ARHGEF10: variants seen among roughly 807,000 people sequenced by gnomAD.
The protein encoded by ARHGEF10 is Rho guanine nucleotide exchange factor (GEF) 10.
Under a neutral mutation model 147.4 loss-of-function variants are expected in ARHGEF10, and 140 were observed. The observed-to-expected ratio is 0.95, with a 90% CI of 0.83 to 1.09. ARHGEF10 has a LOEUF of 1.09. ARHGEF10 is among the 50% of genes least tolerant of loss of function. The pLI, the probability that ARHGEF10 is intolerant of heterozygous loss-of-function variation, is 0.00. For synonymous variants in ARHGEF10, 902 were observed against 695.8 expected (o/e 1.30, Z -4.67); for missense variants, 2,222 against 1,752.7 (o/e 1.27, Z -4.78).
chr8:1,909,139 A>C (rs1811152804), intron 17 of ARHGEF10, among the ~76,000 whole-genome samples, 156 bp from the exon 18 acceptor site: 2 of 152,220 alleles, frequency 1.3e-5, no homozygotes, highest in South Asian at 4.1e-4. Flanking sequence ...GTGGGGACTC[A>C]GTAAGAAAGT....
In ARHGEF10 at chr8:1,842,962, C is replaced by T. The variant is rs1254358480; in HGVS notation, c.-47-391C>T. ...GGAGTGGAGAGGGCCGTCAGCGCCG[C>T]ACCTGATCCCAGCTAAGTCTGGAAG... On this transcript the variant is annotated intron_variant, in intron 1 of 28. Transcript: ENST00000349830. 2.0e-5 allele frequency among the ~76,000 whole-genome samples: 3 copies of T among 152,216 alleles called. No individual in the cohort carries two copies. In the East Asian group the frequency reaches 5.8e-4, roughly 29 times the overall value.
chr8:1,877,377 G>T (rs1351315303), intron 8 of ARHGEF10, among the ~76,000 whole-genome samples: 1 of 152,022 alleles, frequency 6.6e-6, no homozygotes, highest in African/African-American at 2.4e-5. Context: ...ACAGGTGCCT[G>T]CCATGACTCC....
At chr8:1,895,222 A>G (rs1453407994) in intron 13 of ARHGEF10, among the ~76,000 whole-genome samples, 3 of 152,196 alleles carry the variant, frequency 2.0e-5, no homozygotes, top group Non-Finnish European at 2.9e-5. Context: ...GAGTCATTTT[A>G]TCCTCACTCC....
chr8:1,913,052 A>C (rs1811494717), intron 18 of ARHGEF10, among the ~76,000 whole-genome samples: 1 of 151,664 alleles, frequency 6.6e-6, no homozygotes, highest in Non-Finnish European at 1.5e-5. Context: ...TTCATGCAGG[A>C]TCTTTATAAC....
chr8:1,825,540 G>A (rs1474696706), intron 1 of ARHGEF10, among the ~76,000 whole-genome samples: 1 of 148,992 alleles, frequency 6.7e-6, no homozygotes, highest in Non-Finnish European at 1.5e-5. Context: ...ACAGCCCGCT[G>A]GTGCCCAAGA....
rs540606873 is a variant in ARHGEF10 at position 1,824,512 on chromosome 8, C to G, written c.-48+399C>G. On this transcript the variant is annotated intron_variant, in intron 1 of 28. Coordinates refer to ENST00000349830, the MANE Select transcript of ARHGEF10 (RefSeq NM_014629.4). ...GTCCGCCTCAGGATGCAGAGAAGGA[C>G]CGGTGTAAGGAAAGCCGGCGTCTTT... 2.2e-3 allele frequency among the ~76,000 whole-genome samples: 333 copies of G among 151,904 alleles called. 1 individual carries two copies. Among genetic ancestry groups the G allele is most frequent in the African/African-American group, 7.8e-3 (322 of 41,362 alleles).
intron 2 of ARHGEF10, among the ~76,000 whole-genome samples, chr8:1,852,656 C>T (rs1212733731): frequency 6.6e-6 from 1 of 152,226 alleles, no homozygotes; most frequent in African/African-American, 2.4e-5. Flanking sequence ...TGGGCATGGT[C>T]ATATTATGTC....
chr8:1,876,975 A>G (rs1807763359), intron 8 of ARHGEF10, among the ~76,000 whole-genome samples: 1 of 152,256 alleles, frequency 6.6e-6, no homozygotes, highest in African/African-American at 2.4e-5. Context: ...GTCTTAAATG[A>G]GCTCACCACC....
chr8:1,831,200 GGA>G (rs1271340136), intron 1 of ARHGEF10, among the ~76,000 whole-genome samples: 2 of 152,182 alleles, frequency 1.3e-5, no homozygotes, highest in East Asian at 3.9e-4. Flanking sequence ...GGACATCCAT[GGA>G]GGGACAGTGT....
rs1302828719 is a variant in ARHGEF10, at chr8:1,925,369, A to T, written c.2575A>T (p.Met859Leu). ...KEKHPLLVGH[M>L]PVMVAKQQEF... ...GAAGCATCCTCTCCTCGTCGGACAC[A>T]TGCCCGTGATGGTGGCCAAGCAGCA... is the stretch of plus-strand genomic sequence containing the variant. Residue 859 changes from methionine (M) to leucine (L), a missense_variant, in exon 22 of 29, where the codon ATG becomes TTG. Physicochemically the swap from Met to Leu is conservative, Grantham distance 15. Coordinates refer to ENST00000349830, the MANE Select transcript of ARHGEF10 (RefSeq NM_014629.4). The T allele has an allele frequency of 6.2e-7, 1 of 1,614,214 alleles. No homozygotes were observed. The highest frequency in any genetic ancestry group is 1.1e-5 in the South Asian group (1 of 91,084).
At chr8:1,849,989 C>T (rs1277632915) in intron 2 of ARHGEF10, among the ~76,000 whole-genome samples, 2 of 70,908 alleles carry the variant, frequency 2.8e-5, no homozygotes, top group Non-Finnish European at 3.4e-5. Flanking sequence ...TGCATGGACA[C>T]AGAGGGCAAA....
At position 1,898,480 on chromosome 8, in the gene ARHGEF10, G is replaced by C. The variant is rs1408170696; in HGVS notation, c.1605G>C (p.Met535Ile). 1.2e-6 allele frequency: 2 copies of C among 1,614,064 alleles called. No homozygotes were observed. The highest frequency in any genetic ancestry group is 2.7e-5 in the African/African-American group (2 of 74,940). ...SPDRTTLYSL[M>I]MKPIQRFPQF... The stretch of plus-strand genomic sequence containing the variant: ...ATCGAACCACGCTCTACAGCCTGAT[G>C]ATGAAGCCCATCCAGAGGTTCCCAC... The change falls in exon 15 of 29, where the codon ATG (methionine) becomes ATC (isoleucine). Residue 535 changes from methionine (M) to isoleucine (I), a missense_variant. Coordinates refer to ENST00000349830, the MANE Select transcript of ARHGEF10 (RefSeq NM_014629.4).
chr8:1,936,884 G>T (rs1479449180), intron 26 of ARHGEF10, among the ~76,000 whole-genome samples: 1 of 152,170 alleles, frequency 6.6e-6, no homozygotes, highest in Non-Finnish European at 1.5e-5. Flanking sequence ...TGGGATGCGG[G>T]CTAATGCCGT....
chr8:1,874,066 A>T (rs973082747), intron 7 of ARHGEF10, among the ~76,000 whole-genome samples: 1 of 152,234 alleles, frequency 6.6e-6, no homozygotes, highest in African/African-American at 2.4e-5. Context: ...GCTTGGTCAG[A>T]AAACACATGC....
intron 13 of ARHGEF10, among the ~76,000 whole-genome samples, chr8:1,895,849 G>A (rs753773542): frequency 5.3e-5 from 8 of 152,248 alleles, no homozygotes; most frequent in South Asian, 4.1e-4. Flanking sequence ...TTAGGAAAAC[G>A]AACACGTGTA....
intron 11 of ARHGEF10, among the ~76,000 whole-genome samples, chr8:1,892,331 A>C (rs6558560): frequency 0.24 from 29,865 of 125,396 alleles, 4,725 homozygotes; most frequent in African/African-American, 0.48. Context: ...GTGTGTGTTT[A>C]ATCCCAGCGA....
chr8:1,847,883 T>C (rs1262503063), intron 2 of ARHGEF10, among the ~76,000 whole-genome samples: 1 of 152,260 alleles, frequency 6.6e-6, no homozygotes, highest in East Asian at 1.9e-4. Context: ...ACTTAGCTTT[T>C]ATCTCTGATC....
In ARHGEF10 at chr8:1,864,419, C is replaced by G. The variant is rs141543490; in HGVS notation, c.528C>G (p.Ser176=). The G allele has an allele frequency of 5.0e-6, 8 of 1,614,100 alleles. No individual in the cohort carries two copies. The highest frequency in any genetic ancestry group is 4.4e-5 in the South Asian group (4 of 91,074). The part of the protein sequence containing the change: ...TEDRQPNSLS[S]EEPPTSEDQV... ...ATCGCCAGCCCAATTCTCTGAGTTC[C>G]GAGGAGCCTCCAACCAGGTATCTGC... is the stretch of plus-strand genomic sequence containing the variant. Residue 176 remains serine, a synonymous_variant, in exon 5 of 29, where the codon TCC becomes TCG. Transcript: ENST00000349830.
At chr8:1,929,617 G>T (rs889361197) in intron 25 of ARHGEF10, among the ~76,000 whole-genome samples, 174 bp downstream of exon 25, 2 of 152,154 alleles carry the variant, frequency 1.3e-5, no homozygotes, top group Admixed American at 6.5e-5. Context: ...TCCCCAAAAG[G>T]TGTTTGTTGA....
Sources: allele counts gnomAD v4.1 joint callset (sites outside exome capture counted in the v4.1 genomes callset), GRCh38; gene constraint gnomAD v4.1.1; transcripts MANE v1.5; gene names NCBI Gene and HGNC (gene_info 2026-07-23, HGNC 2026-07-21).